Variants in LLGL1 observed in about 807,000 individuals in gnomAD.
LLGL1 encodes LLGL scribble cell polarity complex component 1, also known as lethal(2) giant larvae protein homolog 1.
A neutral mutation model predicts 110.6 loss-of-function variants in LLGL1; 58 were observed. That is an observed-to-expected ratio of 0.52 (90% CI 0.42 to 0.65). The LOEUF is 0.65. Among genes scored for constraint, LLGL1 ranks in the 30% least tolerant of loss-of-function variants. The pLI is 0.00. For synonymous variants in LLGL1, 674 were observed against 607.2 expected (o/e 1.11, Z -1.62); for missense variants, 1,229 against 1,462.1 (o/e 0.84, Z 2.60).
Position 18,236,949 on chromosome 17 carries a change from G to T in LLGL1, c.1611+10G>T, listed in dbSNP as rs1297215609. ...TGGCACTGCAGGCCAGGTAGGGCTGGGTGTCCCCTGGGTTGGAGATGTCAG... is the reference window on the plus strand; with the variant it reads ...TGGCACTGCAGGCCAGGTAGGGCTGTGTGTCCCCTGGGTTGGAGATGTCAG... On this transcript the variant is annotated intron_variant, in intron 13 of 22. Coordinates refer to ENST00000316843, the MANE Select transcript of LLGL1 (RefSeq NM_004140.4). 1 of 1,605,396 alleles carries T rather than the reference G, an allele frequency of 6.2e-7. No individual in the cohort carries two copies. The highest frequency in any genetic ancestry group is 2.2e-5 in the East Asian group (1 of 44,586).
chr17:18,231,539 G>A (rs2047569360), intron 2 of LLGL1, among the ~76,000 whole-genome samples: 2 of 152,334 alleles, frequency 1.3e-5, no homozygotes, highest in African/African-American at 4.8e-5. Flanking sequence ...GGCACTTCAA[G>A]CAGGTCATCC....
At position 18,238,127 on chromosome 17, in the gene LLGL1, T is replaced by C. The variant is rs2047737313; in HGVS notation, c.1965T>C (p.Ser655=). The C allele has an allele frequency of 1.2e-6, 2 of 1,613,724 alleles. No homozygotes were observed. Among genetic ancestry groups the C allele is most frequent in the South Asian group, 1.1e-5 (1 of 91,094 alleles). ...AMEGPLSRVK[S]LKKSLRQSFR... The stretch of plus-strand genomic sequence containing the variant: ...AGGGTCCGCTCTCCCGGGTGAAGTC[T>C]CTCAAGAAGTCACTGCGCCAGTCTT... The change falls in exon 15 of 23, where the codon TCT becomes TCC. Residue 655 remains serine (S), a synonymous_variant. Transcript: ENST00000316843.
Position 18,244,122 on chromosome 17 carries a change from G to A in LLGL1, c.*216G>A, listed in dbSNP as rs1005738428. 6.6e-6 allele frequency: 1 copy of A among 152,272 alleles called. No homozygotes were observed. Among genetic ancestry groups the A allele is most frequent in the Non-Finnish European group, 1.5e-5 (1 of 68,090 alleles). The allele number at this position is 152,272 out of a possible 1,614,324, so 9.4% of individuals were successfully genotyped here. ...TGGGCCAGAACTGAGCCCTCCTGCA[G>A]GCATTTGGCTGCCCTGGGGGCCCAC... On this transcript the variant is annotated 3_prime_UTR_variant, in exon 23 of 23. Transcript: ENST00000316843.
In LLGL1 at chr17:18,238,604, G is replaced by A; in HGVS notation, c.2201G>A (p.Arg734Gln). Residue 734 changes from arginine to glutamine, a missense_variant, in exon 16 of 23, where the codon CGA becomes CAA. Arg to Gln is a conservative substitution (Grantham distance 43, BLOSUM62 1). Transcript: ENST00000316843. The stretch of plus-strand genomic sequence containing the variant: ...CTATACTTTGCCGACACATTCCTTC[G>A]AGATGGTAAGGCAGGGGCAGGGGCA... ...RCLYFADTFL[R>Q]DGAHHGPTMW... 3 of 1,611,400 alleles carry A rather than the reference G, an allele frequency of 1.9e-6. No individual in the cohort carries two copies. The highest frequency in any genetic ancestry group is 2.2e-5 in the East Asian group (1 of 44,874).
At position 18,244,866 on chromosome 17, in the gene LLGL1, A is replaced by C. The variant is rs550132584; in HGVS notation, c.*960A>C. On this transcript the variant is annotated 3_prime_UTR_variant, in exon 23 of 23. Transcript: ENST00000316843. Reference sequence around the variant, plus strand: ...AATATTGAAAATAAAAGCATTTAATATCTCTTAAAGGGCATCCACATCTGC... The same window carrying C: ...AATATTGAAAATAAAAGCATTTAATCTCTCTTAAAGGGCATCCACATCTGC... 2.5e-6 allele frequency: 1 copy of C among 405,312 alleles called. No individual in the cohort carries two copies. The highest frequency in any genetic ancestry group is 4.3e-5 in the Admixed American group (1 of 23,380). The allele number at this position is 405,312 out of a possible 1,614,324, so 25.1% of individuals were successfully genotyped here.
In LLGL1 at chr17:18,244,033, T is replaced by C. The variant is rs2142750144; in HGVS notation, c.*127T>C. 1 of 152,578 alleles carries C rather than the reference T, an allele frequency of 6.6e-6. No individual in the cohort carries two copies. Among genetic ancestry groups the C allele is most frequent in the South Asian group, 2.1e-4 (1 of 4,838 alleles). The allele number at this position is 152,578 out of a possible 1,614,324, so 9.5% of individuals were successfully genotyped here. On this transcript the variant is annotated 3_prime_UTR_variant, in exon 23 of 23. Transcript: ENST00000316843. ...ACCTGTAGGCTCCACTGGGACCTGC[T>C]GTCCTGTCCCGCCTGACCCTGGGCC...
rs2746030 is a variant in LLGL1 at position 18,242,065 on chromosome 17, G to T, written c.2882+66G>T. 1.9e-6 allele frequency: 3 copies of T among 1,543,886 alleles called. No individual in the cohort carries two copies. The Admixed American group carries it at 5.0e-5, about 26-fold the overall frequency. ...CAGGGCCAGGTCTCATCCCACCCCC[G>T]AGATCTGCCTTCCCTGGGCTCAGGA... On this transcript the variant is annotated intron_variant, in intron 19 of 22. Coordinates refer to ENST00000316843, the MANE Select transcript of LLGL1 (RefSeq NM_004140.4).
Position 18,236,645 on chromosome 17 carries a change from G to A in LLGL1, c.1391G>A (p.Gly464Asp). 1 of 1,612,966 alleles carries A rather than the reference G, an allele frequency of 6.2e-7. No homozygotes were observed. Among genetic ancestry groups the A allele is most frequent in the Non-Finnish European group, 8.5e-7 (1 of 1,179,926 alleles). The part of the protein sequence containing the change: ...DGTVRFWDAS[G>D]VALRPLYKLS... ...ACCGTGAGGTTCTGGGATGCCTCGGGTGTGGCGCTGCGGCCGCTCTATAAG... is the reference window on the plus strand; with the variant it reads ...ACCGTGAGGTTCTGGGATGCCTCGGATGTGGCGCTGCGGCCGCTCTATAAG... The change falls in exon 12 of 23, where the codon GGT becomes GAT. Residue 464 changes from glycine to aspartate, a missense_variant. Coordinates refer to ENST00000316843, the MANE Select transcript of LLGL1 (RefSeq NM_004140.4).
At chr17:18,235,645 GT>G in intron 11 of LLGL1, 108 bp downstream of exon 11, 5 of 1,050,670 alleles carry the variant, frequency 4.8e-6, no homozygotes, top group Non-Finnish European at 5.5e-6. Context: ...CTGGCCCCTG[GT>G]GGGACCAGGT....
intron 20 of LLGL1, 33 bp downstream of exon 20, chr17:18,242,311 G>T: frequency 6.3e-7 from 1 of 1,585,996 alleles, no homozygotes; most frequent in Non-Finnish European, 8.7e-7. Flanking sequence ...CCAGACCCTG[G>T]CCCCACGGTG....
At chr17:18,241,144 C>A in intron 17 of LLGL1, 1 of 587,028 alleles carries the variant, frequency 1.7e-6, no homozygotes, top group Non-Finnish European at 3.0e-6. Flanking sequence ...GGGCCCAGAC[C>A]CCTGAGCCCA....
rs2047642496 is a variant in LLGL1, at chr17:18,234,392, A to G, written c.834A>G (p.Val278=). The G allele has an allele frequency of 1.9e-6, 3 of 1,612,570 alleles. No homozygotes were observed. The highest frequency in any genetic ancestry group is 2.5e-6 in the Non-Finnish European group (3 of 1,179,898). The change falls in exon 7 of 23, where the codon GTA becomes GTG. Residue 278 remains valine, a synonymous_variant. Transcript: ENST00000316843. ...GCTTCCCAACGCTGCAGCCCACGGT[A>G]GCCACCACACCTTACGGTGAGTGCT... ...AGSFPTLQPT[V]ATTPYGPFPC...
intron 13 of LLGL1, 177 bp from the exon 14 acceptor site, chr17:18,237,304 G>C (rs1376822297): frequency 7.6e-6 from 5 of 657,464 alleles, no homozygotes; most frequent in East Asian, 2.7e-5. Context: ...CTTGTGCTCA[G>C]CCAGGGCCTT....
intron 22 of LLGL1, 115 bp downstream of exon 22, chr17:18,242,937 T>A: frequency 2.0e-6 from 2 of 982,890 alleles, no homozygotes; most frequent in Non-Finnish European, 1.5e-6. Flanking sequence ...GCCCATGTGA[T>A]GGCACTCTCT....
In LLGL1 at chr17:18,238,121, G is replaced by A. The variant is rs756061041; in HGVS notation, c.1959G>A (p.Val653=). Residue 653 remains valine (V), a synonymous_variant, in exon 15 of 23, where the codon GTG becomes GTA. Coordinates refer to ENST00000316843, the MANE Select transcript of LLGL1 (RefSeq NM_004140.4). ...CCATGGAGGGTCCGCTCTCCCGGGT[G>A]AAGTCTCTCAAGAAGTCACTGCGCC... ...SLAMEGPLSR[V]KSLKKSLRQS... is the part of the protein sequence containing the mutation. 8.1e-6 allele frequency: 13 copies of A among 1,613,888 alleles called. No homozygotes were observed. The highest frequency in any genetic ancestry group is 1.1e-5 in the Non-Finnish European group (13 of 1,180,012).
rs956490758 is a variant in LLGL1 at position 18,232,468 on chromosome 17, A to G, written c.180-27A>G. Reference sequence around the variant, plus strand: ...CACTGTGGTTTGCTGGTCTATGCCTATTTCCACCTTGACCTGCCACCCTCA... The same window carrying G: ...CACTGTGGTTTGCTGGTCTATGCCTGTTTCCACCTTGACCTGCCACCCTCA... On this transcript the variant is annotated intron_variant, in intron 2 of 22. Transcript: ENST00000316843. 4.4e-6 allele frequency: 7 copies of G among 1,605,272 alleles called. No individual in the cohort carries two copies. In the Admixed American group the frequency reaches 5.0e-5, roughly 12 times the overall value.
intron 1 of LLGL1, 78 bp from the exon 2 acceptor site, chr17:18,229,863 C>A: frequency 2.0e-6 from 2 of 990,126 alleles, no homozygotes; most frequent in Non-Finnish European, 1.5e-6. Flanking sequence ...TGGAGGCTGC[C>A]TTGGGGTGGG....
intron 4 of LLGL1, 110 bp downstream of exon 4, chr17:18,232,912 G>A (rs1426722580): frequency 2.8e-6 from 4 of 1,411,934 alleles, no homozygotes; most frequent in Non-Finnish European, 3.9e-6. Context: ...TTCAGGGCGG[G>A]ATGCCTTGAG....
intron 1 of LLGL1, among the ~76,000 whole-genome samples, chr17:18,229,430 T>G (rs2047521079): frequency 6.6e-6 from 1 of 152,170 alleles, no homozygotes; most frequent in Admixed American, 6.5e-5. Context: ...GCCTAGCTGA[T>G]CCTGGATGTT....
Sources: gnomAD v4.1 joint callset for allele counts (sites outside exome capture counted in the v4.1 genomes callset) on GRCh38, gnomAD v4.1.1 for gene constraint, MANE v1.5 for transcripts, NCBI Gene and HGNC (gene_info 2026-07-23, HGNC 2026-07-21) for gene names.